CASQ2: variants seen among roughly 807,000 people sequenced by gnomAD.
CASQ2 encodes calsequestrin-2.
A neutral mutation model predicts 46.5 loss-of-function variants in CASQ2; 49 were observed. That is an observed-to-expected ratio of 1.05 (90% CI 0.84 to 1.34). The LOEUF is 1.34. Among genes scored for constraint, CASQ2 ranks in the 40% most tolerant of loss-of-function variants. The probability of loss-of-function intolerance (pLI) is 0.00; values close to 1 mark genes in which losing one functional copy is unlikely to be tolerated. For synonymous variants in CASQ2, 174 were observed against 168.5 expected, an observed-to-expected ratio of 1.03 and a Z score of -0.25; for missense variants, 486 against 481.3, an observed-to-expected ratio of 1.01 and a Z score of -0.09.
intron 2 of CASQ2, among the ~76,000 whole-genome samples, chr1:115,741,371 C>T (rs1317541684): frequency 6.6e-6 from 1 of 152,210 alleles, no homozygotes; most frequent in Non-Finnish European, 1.5e-5. Flanking sequence ...CTTGTTCTCC[C>T]AGCCTGGAAT....
intron 5 of CASQ2, among the ~76,000 whole-genome samples, chr1:115,731,177 A>T (rs56120229): frequency 0.029 from 4,490 of 152,318 alleles, 215 homozygotes; most frequent in African/African-American, 0.1. Context: ...ATTTGAATAA[A>T]GCATCTCTCT....
chr1:115,741,435 A>T (rs887510104), intron 2 of CASQ2, among the ~76,000 whole-genome samples: 1 of 152,224 alleles, frequency 6.6e-6, no homozygotes, highest in Non-Finnish European at 1.5e-5. Context: ...CATTTTTCTT[A>T]AGAAAGGTCA....
chr1:115,754,287 C>T (rs1034505851), intron 1 of CASQ2, among the ~76,000 whole-genome samples: 7 of 152,084 alleles, frequency 4.6e-5, no homozygotes, highest in Admixed American at 2.0e-4. Flanking sequence ...GAATAGGTGG[C>T]CTCTGAAAGA....
chr1:115,701,523 A>C, intron 10 of CASQ2, 97 bp from the exon 11 acceptor site: 1 of 778,484 alleles, frequency 1.3e-6, no homozygotes, highest in Non-Finnish European at 2.3e-6. Context: ...GTGCCCCCCG[A>C]CTCTCTTACA....
chr1:115,702,599 GTA>G (rs915068923), intron 10 of CASQ2, among the ~76,000 whole-genome samples: 4 of 152,204 alleles, frequency 2.6e-5, no homozygotes, highest in African/African-American at 9.7e-5. Flanking sequence ...GTTCCCTTTT[GTA>G]AAGAGACCTT....
intron 1 of CASQ2, among the ~76,000 whole-genome samples, chr1:115,748,856 C>G (rs1648478304): frequency 6.6e-6 from 1 of 152,108 alleles, no homozygotes; most frequent in Admixed American, 6.5e-5. Context: ...TTCCTTACTC[C>G]TAGTACGTGA....
intron 8 of CASQ2, among the ~76,000 whole-genome samples, chr1:115,709,332 A>G (rs1654470299): frequency 6.6e-6 from 1 of 152,228 alleles, no homozygotes; most frequent in Non-Finnish European, 1.5e-5. Flanking sequence ...ATTCAATGTT[A>G]AGCAAGGACT....
Position 115,700,674 on chromosome 1 carries a change from G to A in CASQ2, c.*567C>T. ...ATAGTGATATGAATGACCATCACTT[G>A]AAATAAGTTTAACAAAGCCATGAGA... On this transcript the variant is annotated 3_prime_UTR_variant, in exon 11 of 11. Coordinates refer to ENST00000261448, the MANE Select transcript of CASQ2 (RefSeq NM_001232.4). 4.1e-6 allele frequency: 1 copy of A among 244,478 alleles called. No homozygotes were observed. The highest frequency in any genetic ancestry group is 1.1e-4 in the South Asian group (1 of 8,906). The allele number at this position is 244,478 out of a possible 1,614,324, so 15.1% of individuals were successfully genotyped here.
At chr1:115,720,123 G>GGC (rs1647316081) in intron 7 of CASQ2, among the ~76,000 whole-genome samples, 1 of 152,162 alleles carries the variant, frequency 6.6e-6, no homozygotes, top group Non-Finnish European at 1.5e-5. Flanking sequence ...AGCCAGTTCT[G>GGC]TCTGGCCCCA....
chr1:115,713,364 T>C (rs528135820), intron 8 of CASQ2, among the ~76,000 whole-genome samples: 3 of 152,186 alleles, frequency 2.0e-5, no homozygotes, highest in Non-Finnish European at 2.9e-5. Flanking sequence ...GGAAATGTCC[T>C]TCCCAGCCAG....
intron 2 of CASQ2, 45 bp from the exon 3 acceptor site, chr1:115,740,873 G>A (rs748728313): frequency 8.3e-6 from 11 of 1,329,426 alleles, no homozygotes; most frequent in African/African-American, 1.4e-5. Context: ...TCCTGACGTA[G>A]GAAGAGTGAT....
At chr1:115,760,160 C>T (rs1441848751) in intron 1 of CASQ2, among the ~76,000 whole-genome samples, 2 of 152,156 alleles carry the variant, frequency 1.3e-5, no homozygotes, top group East Asian at 3.9e-4. Context: ...CAAATTAGAG[C>T]TATACTGACA....
intron 5 of CASQ2, among the ~76,000 whole-genome samples, chr1:115,731,278 T>C (rs557265523): frequency 6.6e-6 from 1 of 152,246 alleles, no homozygotes; most frequent in African/African-American, 2.4e-5. Flanking sequence ...TACAAACAAA[T>C]ACTACCCTGA....
intron 1 of CASQ2, among the ~76,000 whole-genome samples, chr1:115,751,923 A>G (rs1648596186): frequency 6.6e-6 from 1 of 152,152 alleles, no homozygotes; most frequent in African/African-American, 2.4e-5. Flanking sequence ...TACTTAATAC[A>G]ATTGTCTTCA....
At chr1:115,714,032 G>A (rs539178084) in intron 8 of CASQ2, among the ~76,000 whole-genome samples, 64 of 152,306 alleles carry the variant, frequency 4.2e-4, no homozygotes, top group African/African-American at 1.3e-3. Flanking sequence ...TGCTACAGAC[G>A]TATATGCCAC....
chr1:115,723,254 A>ATATC (rs71582536), intron 7 of CASQ2, among the ~76,000 whole-genome samples: 26 of 110,744 alleles, frequency 2.3e-4, no homozygotes, highest in East Asian at 1.3e-3. Flanking sequence ...CTATCTCTCT[A>ATATC]TATCTATCTA....
chr1:115,713,695 TG>T (rs977025458), intron 8 of CASQ2, among the ~76,000 whole-genome samples: 1 of 152,020 alleles, frequency 6.6e-6, no homozygotes, highest in African/African-American at 2.4e-5. Flanking sequence ...AGCTTCCAGG[TG>T]GTTTTGTGCT....
At chr1:115,708,412 A>G (rs140511906) in intron 8 of CASQ2, among the ~76,000 whole-genome samples, 4 of 152,318 alleles carry the variant, frequency 2.6e-5, no homozygotes, top group Non-Finnish European at 4.4e-5. Context: ...AATACTTTCA[A>G]TGACAGAACA....
chr1:115,739,394 C>T (rs868505447), intron 3 of CASQ2, among the ~76,000 whole-genome samples: 58 of 152,186 alleles, frequency 3.8e-4, no homozygotes, highest in South Asian at 3.7e-3. Flanking sequence ...GGATTACAGG[C>T]ATGAGCCACC....
Sources: allele counts gnomAD v4.1 joint callset (sites outside exome capture counted in the v4.1 genomes callset), GRCh38; gene constraint gnomAD v4.1.1; transcripts MANE v1.5; gene names NCBI Gene and HGNC (gene_info 2026-07-23, HGNC 2026-07-21).